LTK: variants seen among roughly 807,000 people sequenced by gnomAD.
LTK encodes the protein leukocyte tyrosine kinase receptor.
In LTK, 117 loss-of-function variants were observed where a neutral mutation model predicts 101.5. That is an observed-to-expected ratio of 1.15 (90% confidence interval 0.99 to 1.34). The LOEUF (loss-of-function observed/expected upper bound fraction) is 1.34, where lower values mean the gene tolerates loss of function less well. LTK is among the 40% of genes most tolerant of loss of function. The pLI, the probability that LTK is intolerant of heterozygous loss-of-function variation, is 0.00. For synonymous variants in LTK, 563 were observed against 494.2 expected (o/e 1.14, Z -1.85); for missense variants, 1,252 against 1,164.7 (o/e 1.07, Z -1.09).
chr15:41,506,110 GA>G, intron 11 of LTK, 105 bp from the exon 12 acceptor site: 1 of 717,952 alleles, frequency 1.4e-6, no homozygotes, highest in East Asian at 2.5e-5. Flanking sequence ...ATGCCCAGCT[GA>G]CCCTATATAG....
At chr15:41,506,876 C>T (rs1287797761) in intron 11 of LTK, among the ~76,000 whole-genome samples, 1 of 152,224 alleles carries the variant, frequency 6.6e-6, no homozygotes, top group African/African-American at 2.4e-5. Flanking sequence ...AGGTGTGAGC[C>T]ACCACGCCCA....
chr15:41,511,673 G>C lies in LTK; in HGVS notation c.658-95C>G. ...CTCCCGCCCAGGGGGCCTGGATAAG[G>C]GCAGGGGCCCCCAGCCCAGCCCAGG... On this transcript the variant is annotated intron_variant, in intron 5 of 19. Transcript: ENST00000263800. This position sits in a 1 kb window ranked among gnomAD's most constrained non-coding sequence, Gnocchi z 5.9. 7.1e-7 allele frequency: 1 copy of C among 1,410,194 alleles called. No homozygotes were observed. The highest frequency in any genetic ancestry group is 9.2e-7 in the Non-Finnish European group (1 of 1,092,528). The allele number at this position is 1,410,194 out of a possible 1,614,324, so 87.4% of individuals were successfully genotyped here.
intron 11 of LTK, among the ~76,000 whole-genome samples, 200 bp downstream of exon 11, chr15:41,506,895 A>T (rs1397266828): frequency 6.6e-6 from 1 of 152,140 alleles, no homozygotes; most frequent in Non-Finnish European, 1.5e-5. Context: ...CAGCTGAGAG[A>T]TCATATTCTA....
Position 41,505,959 on chromosome 15 carries a change from T to G in LTK, c.1588A>C (p.Ile530Leu). The change falls in exon 12 of 20, where the codon ATT (isoleucine) becomes CTT (leucine). Residue 530 changes from isoleucine (I) to leucine (L), a missense_variant. Transcript: ENST00000263800. The part of the protein sequence containing the change: ...AFGEVYEGLV[I>L]GLPGDSSPLQ... ...GGACTGGAGTCCCCAGGAAGGCCAA[T>G]TACCAGTCCCTCATACACCTCCCCA... The G allele has an allele frequency of 1.2e-6, 2 of 1,614,030 alleles. No homozygotes were observed. Among genetic ancestry groups the G allele is most frequent in the Non-Finnish European group, 1.7e-6 (2 of 1,179,956 alleles).
chr15:41,505,156 C>A (rs1315472460), intron 15 of LTK, 52 bp downstream of exon 15: 2 of 1,591,688 alleles, frequency 1.3e-6, no homozygotes, highest in South Asian at 1.1e-5. Flanking sequence ...AAGGGCTGTT[C>A]CTTGGGGAGG....
Position 41,507,161 on chromosome 15 carries a change from G to A in LTK, c.1475C>T (p.Pro492Leu), listed in dbSNP as rs767532492. 1.7e-5 allele frequency: 27 copies of A among 1,613,484 alleles called. No homozygotes were observed. Among genetic ancestry groups the A allele is most frequent in the Admixed American group, 5.0e-5 (3 of 59,768 alleles). The change falls in exon 11 of 20, where the codon CCG becomes CTG. Residue 492 changes from proline (P) to leucine (L), a missense_variant. Pro to Leu is a moderately conservative substitution (Grantham distance 98). Transcript: ENST00000263800. ...TGGTGGCAGAGGCCAGGACTGGGCC[G>A]GGCCAAGCCCCACCTGGCAATAATA... Reference protein sequence around the residue: ...NPYYCQVGLGPAQSWPLPPGV... With the variant: ...NPYYCQVGLGLAQSWPLPPGV...
At chr15:41,505,639 C>T in intron 13 of LTK, 74 bp downstream of exon 13, 2 of 1,605,030 alleles carry the variant, frequency 1.2e-6, no homozygotes, top group South Asian at 2.2e-5. Flanking sequence ...GCTACCTCAG[C>T]CTCAGGGTGA....
At position 41,504,965 on chromosome 15, in the gene LTK, C is replaced by T. The variant is rs2051210716; in HGVS notation, c.2018+7G>A. Reference sequence around the variant, plus strand: ...GCAAGAGCCTTCCCACCTCCCAAGTCCCGCACCGGTAGATATCTCGTGCCA... The same window carrying T: ...GCAAGAGCCTTCCCACCTCCCAAGTTCCGCACCGGTAGATATCTCGTGCCA... On this transcript the variant is annotated splice_region_variant and intron_variant, in intron 16 of 19. Transcript: ENST00000263800. The T allele has an allele frequency of 1.9e-6, 3 of 1,607,018 alleles. No homozygotes were observed. Among genetic ancestry groups the T allele is most frequent in the South Asian group, 2.2e-5 (2 of 90,018 alleles).
At position 41,512,118 on chromosome 15, in the gene LTK, G is replaced by C. The variant is rs1448766222; in HGVS notation, c.507C>G (p.Pro169=). Reference sequence around the variant, plus strand: ...CATCCCCACTGGCTGCGCTCACTCCGGGACAGGCGTCCTCTCCCTGCTGCC... The same window carrying C: ...CATCCCCACTGGCTGCGCTCACTCCCGGACAGGCGTCCTCTCCCTGCTGCC... ...LVGQQGEDAC[P]GGSPESQLVC... is the part of the protein sequence containing the mutation. Residue 169 remains proline, a synonymous_variant, in exon 4 of 20, where the codon CCC becomes CCG. Coordinates refer to ENST00000263800, the MANE Select transcript of LTK (RefSeq NM_002344.6). The C allele has an allele frequency of 6.2e-7, 1 of 1,605,916 alleles. No homozygotes were observed.
intron 7 of LTK, among the ~76,000 whole-genome samples, chr15:41,509,843 G>A (rs1287468303): frequency 6.6e-6 from 1 of 151,850 alleles, no homozygotes; most frequent in Non-Finnish European, 1.5e-5. Context: ...CTGGGCAACA[G>A]AGCCAGACTC....
rs201789947 is a variant in LTK at position 41,505,254 on chromosome 15, T to C, written c.1879A>G (p.Ile627Val). Reference sequence around the variant, plus strand: ...TCCAGGTAGTGGCAGCCCTGGGCTATGTCCTGGGCCAGTTGCAGCAGGTCC... The same window carrying C: ...TCCAGGTAGTGGCAGCCCTGGGCTACGTCCTGGGCCAGTTGCAGCAGGTCC... ...MRDLLQLAQD[I>V]AQGCHYLEEN... The change falls in exon 15 of 20, where the codon ATA (isoleucine) becomes GTA (valine). Residue 627 changes from isoleucine to valine, a missense_variant. Coordinates refer to ENST00000263800, the MANE Select transcript of LTK (RefSeq NM_002344.6). The C allele has an allele frequency of 6.2e-6, 10 of 1,614,082 alleles. No individual in the cohort carries two copies. In the African/African-American group the frequency reaches 1.2e-4, roughly 19 times the overall value.
Position 41,505,817 on chromosome 15 carries a change from C to T in LTK, c.1633-40G>A, listed in dbSNP as rs372855889. On this transcript the variant is annotated intron_variant, in intron 12 of 19. Transcript: ENST00000263800. Reference sequence around the variant, plus strand: ...GGCACAGTTTCTGAGCTGCCCTGCACGCTTCAGGAGAGGGGGTTAACCCTA... The same window carrying T: ...GGCACAGTTTCTGAGCTGCCCTGCATGCTTCAGGAGAGGGGGTTAACCCTA... 114 of 1,609,146 alleles carry T rather than the reference C, an allele frequency of 7.1e-5. 1 individual carries two copies. The Middle Eastern group carries it at 2.0e-3, about 28-fold the overall frequency.
chr15:41,512,767 C>T lies in LTK; in HGVS notation c.299G>A (p.Gly100Glu). The T allele has an allele frequency of 6.2e-7, 1 of 1,610,666 alleles. No individual in the cohort carries two copies. The highest frequency in any genetic ancestry group is 1.1e-5 in the South Asian group (1 of 90,922). Residue 100 changes from glycine (G) to glutamate (E), a missense_variant, in exon 3 of 20, where the codon GGG becomes GAG. Coordinates refer to ENST00000263800, the MANE Select transcript of LTK (RefSeq NM_002344.6). The part of the protein sequence containing the change: ...YAGTSVVVTV[G>E]AAGQLRGVQL... ...CACGCCTCTCAGCTGCCCGGCGGCC[C>T]CCACGGTCACCACCACGCTGGTCCC...
In LTK at chr15:41,505,549, A is replaced by G. The variant is rs2051248092; in HGVS notation, c.1698-19T>C. On this transcript the variant is annotated intron_variant, in intron 13 of 19. Transcript: ENST00000263800. ...AAACTTGCTGAGTGGGGTGGGGGACATATCCCGTTACCAGGAGGGAGACGG... is the reference window on the plus strand; with the variant it reads ...AAACTTGCTGAGTGGGGTGGGGGACGTATCCCGTTACCAGGAGGGAGACGG... The G allele has an allele frequency of 4.3e-6, 7 of 1,613,504 alleles. No individual in the cohort carries two copies. In the East Asian group the frequency reaches 6.7e-5, roughly 15 times the overall value.
chr15:41,505,772 C>T lies in LTK; in HGVS notation c.1638G>A (p.Leu546=), dbSNP rs763970212. Residue 546 remains leucine, a synonymous_variant, in exon 13 of 20, where the codon CTG becomes CTA. Transcript: ENST00000263800. The stretch of plus-strand genomic sequence containing the variant: ...CATCCTGAGGCGAGCAGAGTTCTGG[C>T]AGGGTCTGGGGAGGAAAAGGGCACA... ...SSPLQVAIKT[L]PELCSPQDEL... 5 of 1,613,724 alleles carry T rather than the reference C, an allele frequency of 3.1e-6. No individual in the cohort carries two copies. In the African/African-American group the frequency reaches 6.7e-5, roughly 22 times the overall value.
rs1595458002 is a variant in LTK, at chr15:41,505,533, G to A, written c.1698-3C>T. ...CAATGTTCTGATGGCGAAACTTGCT[G>A]AGTGGGGTGGGGGACATATCCCGTT... On this transcript the variant is annotated splice_polypyrimidine_tract_variant and splice_region_variant and intron_variant, in intron 13 of 19. Coordinates refer to ENST00000263800, the MANE Select transcript of LTK (RefSeq NM_002344.6). 1.9e-6 allele frequency: 3 copies of A among 1,613,726 alleles called. No individual in the cohort carries two copies. Among genetic ancestry groups the A allele is most frequent in the Non-Finnish European group, 1.7e-6 (2 of 1,179,954 alleles).
In LTK at chr15:41,512,979, G is replaced by A; in HGVS notation, c.185C>T (p.Pro62Leu). The change falls in exon 2 of 20, where the codon CCG (proline) becomes CTG (leucine). Residue 62 changes from proline to leucine, a missense_variant and splice_region_variant. Pro to Leu is a moderately conservative substitution (Grantham distance 98, BLOSUM62 -3). Coordinates refer to ENST00000263800, the MANE Select transcript of LTK (RefSeq NM_002344.6). ...GGAAGGAGGCGTCTAAAGCTCACCC[G>A]GAGAATTCAGCGGGGAGGCTGGCTC... ...ILEPASPLNS[P>L]GTEGSWLFST... The A allele has an allele frequency of 6.2e-7, 1 of 1,613,646 alleles. No homozygotes were observed. Among genetic ancestry groups the A allele is most frequent in the Admixed American group, 1.7e-5 (1 of 59,944 alleles).
chr15:41,505,783 G>T lies in LTK; in HGVS notation c.1633-6C>A. On this transcript the variant is annotated splice_polypyrimidine_tract_variant and splice_region_variant and intron_variant, in intron 12 of 19. Coordinates refer to ENST00000263800, the MANE Select transcript of LTK (RefSeq NM_002344.6). ...GAGCAGAGTTCTGGCAGGGTCTGGG[G>T]AGGAAAAGGGCACAGTTTCTGAGCT... is the stretch of plus-strand genomic sequence containing the variant. 1 of 1,613,772 alleles carries T rather than the reference G, an allele frequency of 6.2e-7. No homozygotes were observed. The highest frequency in any genetic ancestry group is 1.1e-5 in the South Asian group (1 of 91,038).
At position 41,513,075 on chromosome 15, in the gene LTK, C is replaced by A. The variant is rs773603896; in HGVS notation, c.89G>T (p.Arg30Leu). 3.7e-6 allele frequency: 6 copies of A among 1,611,120 alleles called. No individual in the cohort carries two copies. In the East Asian group the frequency reaches 8.9e-5, roughly 24 times the overall value. Reference sequence around the variant, plus strand: ...ACTTGCCAGCGGCAGGGGCGAGGACCGCAGAAAAGTCTCCTGGGACCCCGG... The same window carrying A: ...ACTTGCCAGCGGCAGGGGCGAGGACAGCAGAAAAGTCTCCTGGGACCCCGG... ...SSPGSQETFL[R>L]SSPLPLASPS... The change falls in exon 2 of 20, where the codon CGG (arginine) becomes CTG (leucine). Residue 30 changes from arginine to leucine, a missense_variant. Arg to Leu is a moderately radical substitution (Grantham distance 102, BLOSUM62 -2). Coordinates refer to ENST00000263800, the MANE Select transcript of LTK (RefSeq NM_002344.6).
Sources: gnomAD v4.1 joint callset for allele counts (sites outside exome capture counted in the v4.1 genomes callset) on GRCh38, gnomAD v4.1.1 for gene constraint, Gnocchi (gnomAD v3.1) non-coding constraint, MANE v1.5 for transcripts, NCBI Gene and HGNC (gene_info 2026-07-23, HGNC 2026-07-21) for gene names.